GOLGA4: variants seen among roughly 807,000 people sequenced by gnomAD.
GOLGA4 encodes the protein golgin subfamily A member 4.
In GOLGA4, 169 loss-of-function variants were observed where a neutral mutation model predicts 265.9. That is an observed-to-expected ratio of 0.64 (90% CI 0.56 to 0.72). The LOEUF is 0.72. Ranked by LOEUF, GOLGA4 falls within the 30% of genes least tolerant of loss-of-function variation. The probability of loss-of-function intolerance (pLI) is 0.00; values close to 1 mark genes in which losing one functional copy is unlikely to be tolerated. For synonymous variants in GOLGA4, 923 were observed against 855.8 expected, an observed-to-expected ratio of 1.08 and a Z score of -1.37; for missense variants, 2,482 against 2,483.4, an observed-to-expected ratio of 1.00 and a Z score of 0.01.
At chr3:37,341,901 TACAA>T (rs2097036128) in intron 20 of GOLGA4, 1 of 152,214 alleles carries the variant, frequency 6.6e-6, no homozygotes, top group Non-Finnish European at 1.5e-5. Flanking sequence ...GCTAAACACT[TACAA>T]ACACGTTTTT....
intron 13 of GOLGA4, 38 bp from the exon 14 acceptor site, chr3:37,323,550 C>A: frequency 7.8e-7 from 1 of 1,281,946 alleles, no homozygotes; most frequent in Non-Finnish European, 1.1e-6. Context: ...TAGACAAGTA[C>A]GTACTTTAAT....
chr3:37,244,263 T>G (rs1334606613), intron 1 of GOLGA4: 2 of 152,288 alleles, frequency 1.3e-5, no homozygotes, highest in African/African-American at 4.8e-5. Context: ...TTCGCATAAC[T>G]TGGTTAATCC....
chr3:37,292,421 C>T (rs1292660290), intron 5 of GOLGA4, among the ~76,000 whole-genome samples: 1 of 152,160 alleles, frequency 6.6e-6, no homozygotes, highest in Non-Finnish European at 1.5e-5. Flanking sequence ...GTGGCTCATG[C>T]CTACGCCTGT....
At chr3:37,350,844 C>T (rs759508586) in intron 21 of GOLGA4, among the ~76,000 whole-genome samples, 1 of 151,894 alleles carries the variant, frequency 6.6e-6, no homozygotes, top group Admixed American at 6.6e-5. Context: ...TACTTTATTG[C>T]TAAAAAAAAA....
intron 10 of GOLGA4, chr3:37,302,790 T>C (rs1350217434): frequency 6.4e-6 from 1 of 155,246 alleles, no homozygotes; most frequent in Non-Finnish European, 1.4e-5. Context: ...TAAGTTATAG[T>C]CTGCTTTTAA....
chr3:37,324,911 G>C lies in GOLGA4; in HGVS notation c.3025G>C (p.Ala1009Pro). Residue 1009 changes from alanine (A) to proline (P), a missense_variant, in exon 14 of 24, where the codon GCT becomes CCT. Physicochemically the swap from Ala to Pro is conservative, Grantham distance 27 (BLOSUM62 -1). Transcript: ENST00000361924. ...TGCCAAAATGCTGGAAATGGCACAGGCTAACTCAGCTGGAATCAGTGATGC... is the reference window on the plus strand; with the variant it reads ...TGCCAAAATGCTGGAAATGGCACAGCCTAACTCAGCTGGAATCAGTGATGC... ...FNAKMLEMAQ[A>P]NSAGISDAVS... 6.2e-7 allele frequency: 1 copy of C among 1,611,432 alleles called. No homozygotes were observed. Among genetic ancestry groups the C allele is most frequent in the Non-Finnish European group, 8.5e-7 (1 of 1,179,266 alleles).
At chr3:37,344,693 C>T (rs2097050482) in intron 20 of GOLGA4, among the ~76,000 whole-genome samples, 1 of 151,962 alleles carries the variant, frequency 6.6e-6, no homozygotes, top group African/African-American at 2.4e-5. Flanking sequence ...GGGAAGCTGT[C>T]CCACTTTTTC....
intron 2 of GOLGA4, among the ~76,000 whole-genome samples, chr3:37,259,758 CT>C (rs2096764221): frequency 6.6e-6 from 1 of 152,206 alleles, no homozygotes; most frequent in Non-Finnish European, 1.5e-5. Flanking sequence ...ATTGCATCTT[CT>C]TTCCTGGTTT....
intron 16 of GOLGA4, among the ~76,000 whole-genome samples, chr3:37,331,846 G>A (rs2150987803): frequency 6.6e-6 from 1 of 151,984 alleles, no homozygotes; most frequent in Non-Finnish European, 1.5e-5. Context: ...ATATATTAAT[G>A]TACCTATTTT....
intron 20 of GOLGA4, among the ~76,000 whole-genome samples, chr3:37,346,151 A>G (rs768941797): frequency 9.2e-5 from 14 of 152,130 alleles, no homozygotes; most frequent in Admixed American, 1.3e-4. Context: ...GAGTGAGTTG[A>G]GTCTTCTAAA....
chr3:37,362,743 C>G (rs1696411114), intron 23 of GOLGA4, among the ~76,000 whole-genome samples: 1 of 147,182 alleles, frequency 6.8e-6, no homozygotes, highest in South Asian at 2.1e-4. Flanking sequence ...GTCTCGAACT[C>G]CTGGGCTCAA....
intron 2 of GOLGA4, among the ~76,000 whole-genome samples, chr3:37,255,702 A>C (rs1339677740): frequency 6.6e-6 from 1 of 152,194 alleles, no homozygotes; most frequent in African/African-American, 2.4e-5. Context: ...GCGGTGGACA[A>C]ATATTTATGT....
rs1253629426 is a variant in GOLGA4 at position 37,243,442 on chromosome 3, C to T, written c.-109C>T. ...CAAGGAGGAGACGGCGAGGCCCGGC[C>T]CCCGCTGTCCCTGGTGTAAAGAAGT... On this transcript the variant is annotated 5_prime_UTR_variant, in exon 1 of 24. Transcript: ENST00000361924. 2.2e-6 allele frequency: 2 copies of T among 914,148 alleles called. No homozygotes were observed. The highest frequency in any genetic ancestry group is 1.3e-5 in the South Asian group (1 of 74,462). 56.6% of individuals were successfully genotyped at this position (914,148 alleles called of 1,614,324 possible). A position where few individuals can be genotyped will look rare whatever the true frequency, so the allele number is the denominator to read the frequency against.
At chr3:37,348,786 T>C (rs2097064279) in intron 21 of GOLGA4, among the ~76,000 whole-genome samples, 1 of 152,210 alleles carries the variant, frequency 6.6e-6, no homozygotes, top group Non-Finnish European at 1.5e-5. Context: ...CCTTAACCTG[T>C]TTCTTCTGAA....
At position 37,311,856 on chromosome 3, in the gene GOLGA4, G is replaced by A. The variant is rs921799016; in HGVS notation, c.1235-3564G>A. 4.6e-5 allele frequency among the ~76,000 whole-genome samples: 7 copies of A among 152,142 alleles called. No homozygotes were observed. The East Asian group carries it at 1.3e-3, about 29-fold the overall frequency. On this transcript the variant is annotated intron_variant, in intron 10 of 23. Coordinates refer to ENST00000361924, the MANE Select transcript of GOLGA4 (RefSeq NM_002078.5). Reference sequence around the variant, plus strand: ...ATCCTGAAATTTACTGACTAGATTAGAAAACTTAATTAGCAGAAAATTATA... The same window carrying A: ...ATCCTGAAATTTACTGACTAGATTAAAAAACTTAATTAGCAGAAAATTATA...
In GOLGA4 at chr3:37,323,746, G is replaced by A; in HGVS notation, c.1860G>A (p.Lys620=). 6.2e-7 allele frequency: 1 copy of A among 1,613,808 alleles called. No homozygotes were observed. The highest frequency in any genetic ancestry group is 1.3e-5 in the African/African-American group (1 of 75,022). Residue 620 remains lysine (K), a synonymous_variant, in exon 14 of 24, where the codon AAG becomes AAA. Transcript: ENST00000361924. ...ACAAGACAGAATTGGAAAGCCTTAAGCATCAGCAGGATGCCCTTTGGACTG... is the reference window on the plus strand; with the variant it reads ...ACAAGACAGAATTGGAAAGCCTTAAACATCAGCAGGATGCCCTTTGGACTG... ...EKHKTELESL[K]HQQDALWTEK...
At chr3:37,341,256 A>G (rs943085598) in intron 20 of GOLGA4, among the ~76,000 whole-genome samples, 6 of 152,248 alleles carry the variant, frequency 3.9e-5, no homozygotes, top group Non-Finnish European at 8.8e-5. Flanking sequence ...CCTTGAGATA[A>G]TCAAGATCAT....
intron 22 of GOLGA4, among the ~76,000 whole-genome samples, chr3:37,358,760 C>T (rs529143798): frequency 6.6e-5 from 10 of 152,234 alleles, no homozygotes; most frequent in African/African-American, 1.7e-4. Context: ...CCATTAAAGA[C>T]CTCAGTAGGA....
intron 2 of GOLGA4, among the ~76,000 whole-genome samples, chr3:37,268,880 C>G (rs1038852203): frequency 1.3e-5 from 2 of 152,192 alleles, no homozygotes; most frequent in African/African-American, 4.8e-5. Flanking sequence ...TAGTCAGAAA[C>G]TTATTTCTCC....
Sources: gnomAD v4.1 joint callset for allele counts (sites outside exome capture counted in the v4.1 genomes callset) on GRCh38, gnomAD v4.1.1 for gene constraint, MANE v1.5 for transcripts, NCBI Gene and HGNC (gene_info 2026-07-23, HGNC 2026-07-21) for gene names.